Variants in FRMD3 observed in about 807,000 individuals in gnomAD.
FRMD3 encodes FERM domain containing 3.
Under a neutral mutation model 70.2 loss-of-function variants are expected in FRMD3, and 33 were observed. The ratio of observed to expected loss-of-function variants is 0.47; its 90% CI spans 0.36 to 0.63. The LOEUF (loss-of-function observed/expected upper bound fraction) is 0.63, where lower values mean the gene tolerates loss of function less well. Ranked by LOEUF, FRMD3 falls within the 20% of genes least tolerant of loss-of-function variation. The pLI is 0.00. For missense variants in FRMD3, 632 were observed against 711.4 expected, an observed-to-expected ratio of 0.89 and a Z score of 1.27; for synonymous variants, 279 against 255.9, an observed-to-expected ratio of 1.09 and a Z score of -0.86.
chr9:83,331,324 T>C (rs1157032248), intron 6 of FRMD3, among the ~76,000 whole-genome samples: 1 of 152,170 alleles, frequency 6.6e-6, no homozygotes, highest in Admixed American at 6.5e-5. Flanking sequence ...TAAATGCATA[T>C]TACTGAGTGA....
chr9:83,399,713 T>C (rs944215526), intron 1 of FRMD3, among the ~76,000 whole-genome samples: 4 of 152,236 alleles, frequency 2.6e-5, no homozygotes, highest in Non-Finnish European at 4.4e-5. Context: ...GGGACTGCTA[T>C]ATTTGGTTAT....
At chr9:83,411,731 T>A (rs1587827908) in intron 1 of FRMD3, among the ~76,000 whole-genome samples, 3 of 152,248 alleles carry the variant, frequency 2.0e-5, no homozygotes, top group Admixed American at 2.0e-4. Flanking sequence ...TATTATATAT[T>A]ATTTCATCTC....
intron 1 of FRMD3, among the ~76,000 whole-genome samples, chr9:83,469,783 G>A (rs1220667352): frequency 1.3e-5 from 2 of 152,168 alleles, no homozygotes; most frequent in African/African-American, 4.8e-5. Flanking sequence ...AAGGCTCCGT[G>A]GTCATACATA....
chr9:83,345,427 A>C (rs952296430), intron 4 of FRMD3, among the ~76,000 whole-genome samples: 2 of 152,158 alleles, frequency 1.3e-5, no homozygotes, highest in Admixed American at 1.3e-4. Flanking sequence ...TCTGATTCAA[A>C]GGGTCTTGGA....
chr9:83,311,687 T>C (rs1284201495), intron 8 of FRMD3, among the ~76,000 whole-genome samples, 200 bp downstream of exon 8: 1 of 152,036 alleles, frequency 6.6e-6, no homozygotes, highest in Non-Finnish European at 1.5e-5. Flanking sequence ...AGCCCACGCC[T>C]CCTAAGTTGA....
chr9:83,284,435 C>T (rs1470241596), intron 13 of FRMD3, among the ~76,000 whole-genome samples: 1 of 152,128 alleles, frequency 6.6e-6, no homozygotes, highest in Non-Finnish European at 1.5e-5. Context: ...TGGTGAAACC[C>T]CGTCTCTACC....
the FRMD3 span, among the ~76,000 whole-genome samples, chr9:83,581,845 T>C: frequency 6.6e-6 from 1 of 152,224 alleles, no homozygotes; most frequent in Non-Finnish European, 1.5e-5. Flanking sequence ...CCACATAGTG[T>C]ATGAATTCTT....
intron 1 of FRMD3, among the ~76,000 whole-genome samples, chr9:83,425,003 C>A (rs550990356): frequency 6.6e-6 from 1 of 152,258 alleles, no homozygotes; most frequent in East Asian, 1.9e-4. Flanking sequence ...GCAATGACAC[C>A]CTGTAAGCAG....
intron 6 of FRMD3, chr9:83,331,769 A>G (rs1823380539): frequency 2.9e-6 from 2 of 686,806 alleles, no homozygotes; most frequent in Non-Finnish European, 5.3e-6. Context: ...AAAGTCTATT[A>G]AAAAAAGAAA....
At chr9:83,450,215 A>G (rs796799138) in intron 1 of FRMD3, among the ~76,000 whole-genome samples, 41 of 147,682 alleles carry the variant, frequency 2.8e-4, no homozygotes, top group Non-Finnish European at 5.4e-4. Context: ...GTGCGCGCAC[A>G]CACACACACA....
At chr9:83,577,788 A>G in the FRMD3 span, among the ~76,000 whole-genome samples, 1 of 152,040 alleles carries the variant, frequency 6.6e-6, no homozygotes, top group African/African-American at 2.4e-5. Context: ...TAGAAAAAGA[A>G]GAACAAACTG....
chr9:83,522,709 G>A (rs974369002), intron 1 of FRMD3, among the ~76,000 whole-genome samples: 8 of 151,498 alleles, frequency 5.3e-5, no homozygotes, highest in Non-Finnish European at 1.0e-4. Context: ...GACTACAGGC[G>A]CCCGCCACCC....
At chr9:83,381,120 G>A (rs980135631) in intron 2 of FRMD3, among the ~76,000 whole-genome samples, 10 of 152,158 alleles carry the variant, frequency 6.6e-5, no homozygotes, top group African/African-American at 2.2e-4. Context: ...AGGCTATAGC[G>A]AGGCCTAGTT....
intron 1 of FRMD3, among the ~76,000 whole-genome samples, chr9:83,422,376 C>T (rs2131361299): frequency 1.3e-5 from 2 of 152,270 alleles, no homozygotes; most frequent in South Asian, 4.1e-4. Flanking sequence ...ATCACTCTAG[C>T]CCCTTCCCAC....
At chr9:83,426,544 G>A (rs989419558) in intron 1 of FRMD3, among the ~76,000 whole-genome samples, 1 of 152,182 alleles carries the variant, frequency 6.6e-6, no homozygotes, top group African/African-American at 2.4e-5. Context: ...TCCAGACTTA[G>A]CAACATCCTG....
intron 8 of FRMD3, among the ~76,000 whole-genome samples, chr9:83,311,273 C>T (rs1835341163): frequency 7.0e-6 from 1 of 143,312 alleles, no homozygotes; most frequent in Non-Finnish European, 1.5e-5. Flanking sequence ...ATGCGCCTGA[C>T]TGAGAATGGC....
chr9:83,314,069 A>C (rs1269194320), intron 6 of FRMD3, among the ~76,000 whole-genome samples: 1 of 152,202 alleles, frequency 6.6e-6, no homozygotes, highest in Non-Finnish European at 1.5e-5. Context: ...AATAAAACTA[A>C]TCATCTGTTC....
chr9:83,296,920 C>G (rs1176448602), intron 12 of FRMD3, among the ~76,000 whole-genome samples: 1 of 152,140 alleles, frequency 6.6e-6, no homozygotes, highest in African/African-American at 2.4e-5. Context: ...ATGTTAGAAA[C>G]ACAGACTCTC....
In FRMD3 at chr9:83,375,195, G is replaced by A. The variant is rs112246170; in HGVS notation, c.253-2240C>T. On this transcript the variant is annotated intron_variant, in intron 2 of 13. Transcript: ENST00000304195. ...ATGATGGATTGGCTATGTCTGCCAT[G>A]CCACTATAGATTGGCGATGTCTGCC... 4.4e-3 allele frequency among the ~76,000 whole-genome samples: 674 copies of A among 152,322 alleles called. 3 individuals are homozygous for A. The highest frequency in any genetic ancestry group is 0.015 in the African/African-American group (644 of 41,582).
Sources: allele counts gnomAD v4.1 joint callset (sites outside exome capture counted in the v4.1 genomes callset), GRCh38; gene constraint gnomAD v4.1.1; transcripts MANE v1.5; gene names NCBI Gene and HGNC (gene_info 2026-07-23, HGNC 2026-07-21).